PDE8B: variants seen among roughly 807,000 people sequenced by gnomAD.
PDE8B encodes high affinity cAMP-specific and IBMX-insensitive 3',5'-cyclic phosphodiesterase 8B.
In PDE8B, 26 loss-of-function variants were observed where a neutral mutation model predicts 101.3. The observed-to-expected ratio is 0.26, with a 90% CI of 0.19 to 0.36. PDE8B has a LOEUF of 0.36. Among genes scored for constraint, PDE8B ranks in the 10% least tolerant of loss-of-function variants. PDE8B has a pLI of 1.00. For synonymous variants in PDE8B, 424 were observed against 429.3 expected (o/e 0.99, Z 0.15); for missense variants, 810 against 1,163.1 (o/e 0.70, Z 4.42).
chr5:77,167,876 A>G, the PDE8B span, among the ~76,000 whole-genome samples: 261 of 152,188 alleles, frequency 1.7e-3, 1 homozygote, highest in African/African-American at 5.9e-3. Flanking sequence ...AGGGAGAAAC[A>G]CAGCCCCCAC....
intron 1 of PDE8B, among the ~76,000 whole-genome samples, chr5:77,271,830 A>G (rs1199109382): frequency 6.6e-6 from 1 of 152,074 alleles, no homozygotes; most frequent in Non-Finnish European, 1.5e-5. Context: ...TTCACATTCT[A>G]CGGATGAGAA....
At chr5:77,117,635 A>G in the PDE8B span, among the ~76,000 whole-genome samples, 7 of 152,164 alleles carry the variant, frequency 4.6e-5, no homozygotes, top group East Asian at 3.9e-4. Context: ...CTTGTTTACT[A>G]TATACCAGAC....
At chr5:77,402,235 A>G (rs1792432820) in intron 11 of PDE8B, among the ~76,000 whole-genome samples, 1 of 151,996 alleles carries the variant, frequency 6.6e-6, no homozygotes, top group Admixed American at 6.5e-5. Flanking sequence ...CACTTAAAGT[A>G]CTATTATTTA....
chr5:77,246,233 A>G (rs1190591653), intron 1 of PDE8B, among the ~76,000 whole-genome samples: 1 of 152,116 alleles, frequency 6.6e-6, no homozygotes, highest in Non-Finnish European at 1.5e-5. Context: ...GATTTATTGC[A>G]TTCATGCTAT....
At chr5:77,298,643 C>T (rs1030871747) in intron 1 of PDE8B, among the ~76,000 whole-genome samples, 3 of 152,306 alleles carry the variant, frequency 2.0e-5, no homozygotes, top group South Asian at 2.1e-4. Context: ...CACATAGACC[C>T]GCCATTTGGT....
At chr5:77,258,000 C>CCT (rs1759553438) in intron 1 of PDE8B, among the ~76,000 whole-genome samples, 7 of 152,014 alleles carry the variant, frequency 4.6e-5, no homozygotes, top group Admixed American at 4.6e-4. Context: ...TTAGAGGAAC[C>CCT]CAGAGCAGCC....
At chr5:77,334,152 T>C (rs1777670686) in intron 5 of PDE8B, among the ~76,000 whole-genome samples, 1 of 152,270 alleles carries the variant, frequency 6.6e-6, no homozygotes, top group Admixed American at 6.5e-5. Flanking sequence ...ATGCCAGTTA[T>C]CTTTGCCTTC....
the PDE8B span, chr5:77,092,577 C>T: frequency 2.0e-5 from 3 of 152,092 alleles, no homozygotes; most frequent in Non-Finnish European, 4.4e-5. Context: ...ATTTACTCTC[C>T]CTATTCTCTT....
chr5:77,290,457 G>C, intron 1 of PDE8B: 1 of 1,458,514 alleles, frequency 6.9e-7, no homozygotes, highest in Non-Finnish European at 9.6e-7. Context: ...TGAAGAAACT[G>C]TAAAGAAAGC....
the PDE8B span, among the ~76,000 whole-genome samples, chr5:77,150,113 GC>G: frequency 2.6e-5 from 4 of 152,140 alleles, no homozygotes; most frequent in African/African-American, 7.2e-5. Flanking sequence ...GGTGAACTTT[GC>G]CTTGCACTTT....
intron 6 of PDE8B, among the ~76,000 whole-genome samples, chr5:77,339,546 C>T (rs1200243776): frequency 6.6e-6 from 1 of 152,172 alleles, no homozygotes; most frequent in East Asian, 1.9e-4. Flanking sequence ...GGCCTCTCCC[C>T]AGCTCCTTAG....
At chr5:77,167,510 G>A in the PDE8B span, among the ~76,000 whole-genome samples, 29 of 152,294 alleles carry the variant, frequency 1.9e-4, 1 homozygote, top group Admixed American at 1.3e-3. Flanking sequence ...CACCCTGGCC[G>A]ATGTGCACAG....
chr5:77,424,998 T>C (rs1046395697), intron 20 of PDE8B, among the ~76,000 whole-genome samples: 1 of 152,162 alleles, frequency 6.6e-6, no homozygotes, highest in Non-Finnish European at 1.5e-5. Context: ...CCTGAAACTT[T>C]TTTTAAGTGC....
chr5:77,292,305 G>T (rs1170918872), intron 1 of PDE8B, among the ~76,000 whole-genome samples: 1 of 152,140 alleles, frequency 6.6e-6, no homozygotes, highest in Non-Finnish European at 1.5e-5. Flanking sequence ...ACAGTTTGTG[G>T]TTATGGTGAT....
At chr5:77,238,268 C>A (rs553730668) in intron 1 of PDE8B, among the ~76,000 whole-genome samples, 2 of 152,120 alleles carry the variant, frequency 1.3e-5, no homozygotes, top group South Asian at 4.2e-4. Context: ...TTAGTTCAGT[C>A]TTTTCTCTTT....
chr5:77,308,731 G>T (rs554221125), intron 1 of PDE8B, among the ~76,000 whole-genome samples: 3 of 152,240 alleles, frequency 2.0e-5, no homozygotes, highest in Non-Finnish European at 2.9e-5. Flanking sequence ...GTGTGAATGC[G>T]CCTGGCACAA....
chr5:77,290,512 G>A (rs1248515215), intron 1 of PDE8B: 50 of 1,470,188 alleles, frequency 3.4e-5, no homozygotes, highest in African/African-American at 1.1e-4. Flanking sequence ...GCTCCAAAAC[G>A]AGGAGAAATA....
intron 17 of PDE8B, among the ~76,000 whole-genome samples, chr5:77,415,368 T>TTTTC (rs1211209226): frequency 6.8e-6 from 1 of 147,210 alleles, no homozygotes; most frequent in South Asian, 2.2e-4. Flanking sequence ...TTTTTTTTTT[T>TTTTC]TTTTTTTGAG....
At chr5:77,253,248 T>A (rs1469353334) in intron 1 of PDE8B, among the ~76,000 whole-genome samples, 2 of 152,184 alleles carry the variant, frequency 1.3e-5, no homozygotes, top group African/African-American at 4.8e-5. Flanking sequence ...TGAGTATAAA[T>A]TTTAAAGGGT....
Sources: allele counts gnomAD v4.1 joint callset (sites outside exome capture counted in the v4.1 genomes callset), GRCh38; gene constraint gnomAD v4.1.1; transcripts MANE v1.5; gene names NCBI Gene and HGNC (gene_info 2026-07-23, HGNC 2026-07-21).